Variants in PC observed in about 807,000 individuals in gnomAD.
PC encodes the protein pyruvate carboxylase, mitochondrial.
PC carries 46 observed loss-of-function variants against 107.8 expected under a neutral mutation model. The ratio of observed to expected loss-of-function variants is 0.43; its 90% CI spans 0.34 to 0.55. PC has a LOEUF of 0.55. Ranked by LOEUF, PC falls within the 20% of genes least tolerant of loss-of-function variation. PC has a pLI of 0.04. For missense variants in PC, 1,241 were observed against 1,643.1 expected (o/e 0.76, Z 4.23); for synonymous variants, 662 against 684.7 (o/e 0.97, Z 0.52).
chr11:66,878,809 T>C (rs1463047763), intron 3 of PC, among the ~76,000 whole-genome samples: 1 of 152,192 alleles, frequency 6.6e-6, no homozygotes, highest in Admixed American at 6.5e-5. Flanking sequence ...TCAGGGCTCT[T>C]CGGCTGAAGT....
intron 3 of PC, among the ~76,000 whole-genome samples, chr11:66,951,179 C>T (rs149272005): frequency 0.017 from 2,543 of 152,210 alleles, 47 homozygotes; most frequent in South Asian, 0.047. Context: ...ACTCCTATAC[C>T]AAGGAATCCC....
At chr11:66,900,026 C>T (rs1340440173) in intron 3 of PC, among the ~76,000 whole-genome samples, 3 of 152,126 alleles carry the variant, frequency 2.0e-5, no homozygotes, top group Non-Finnish European at 1.5e-5. Flanking sequence ...TGTCTTGGCG[C>T]TCTTACTGAA....
chr11:66,860,274 G>A, intron 12 of PC: 2 of 1,522,826 alleles, frequency 1.3e-6, no homozygotes, highest in Non-Finnish European at 1.8e-6. Flanking sequence ...TGGCCTGGGA[G>A]TCCCTCCCTG....
intron 3 of PC, among the ~76,000 whole-genome samples, chr11:66,884,108 G>C (rs1004367791): frequency 6.6e-6 from 1 of 152,142 alleles, no homozygotes; most frequent in African/African-American, 2.4e-5. Context: ...GCCGGGCATG[G>C]TGGCACACGC....
At chr11:66,956,059 A>C (rs1949554182) in intron 1 of PC, among the ~76,000 whole-genome samples, 1 of 151,782 alleles carries the variant, frequency 6.6e-6, no homozygotes, top group Admixed American at 6.6e-5. Flanking sequence ...AGGCATGAGC[A>C]CCGCGCCCAG....
At position 66,850,340 on chromosome 11, in the gene PC, G is replaced by C; in HGVS notation, c.2598C>G (p.Ile866Met). 6.2e-7 allele frequency: 1 copy of C among 1,614,116 alleles called. No individual in the cohort carries two copies. Among genetic ancestry groups the C allele is most frequent in the Non-Finnish European group, 8.5e-7 (1 of 1,180,030 alleles). The part of the protein sequence containing the change: ...SGNSDVYENE[I>M]PGGQYTNLHF... Reference sequence around the variant, plus strand: ...GCAGGTTGGTGTACTGGCCCCCTGGGATCTCATTTTCATACACGTCCGAGT... The same window carrying C: ...GCAGGTTGGTGTACTGGCCCCCTGGCATCTCATTTTCATACACGTCCGAGT... Residue 866 changes from isoleucine to methionine, a missense_variant, in exon 19 of 23, where the codon ATC (isoleucine) becomes ATG (methionine). Coordinates refer to ENST00000393960, the MANE Select transcript of PC (RefSeq NM_001040716.2).
intron 10 of PC, among the ~76,000 whole-genome samples, chr11:66,868,017 A>T (rs1946567195): frequency 6.6e-6 from 1 of 152,248 alleles, no homozygotes; most frequent in Admixed American, 6.5e-5. Flanking sequence ...TTGAAGGGTG[A>T]GGGCCATCAT....
intron 3 of PC, among the ~76,000 whole-genome samples, chr11:66,937,348 C>T (rs1185142778): frequency 6.6e-6 from 1 of 152,208 alleles, no homozygotes; most frequent in Non-Finnish European, 1.5e-5. Context: ...AGCTGTTAAT[C>T]TGATCAAAGA....
chr11:66,953,253 G>A (rs1321524168), intron 2 of PC, among the ~76,000 whole-genome samples: 1 of 152,162 alleles, frequency 6.6e-6, no homozygotes, highest in African/African-American at 2.4e-5. Context: ...CTGCATCTCC[G>A]CAGAGCTGTC....
Position 66,871,167 on chromosome 11 carries a change from G to A in PC, c.518C>T (p.Pro173Leu). 6.2e-7 allele frequency: 1 copy of A among 1,613,680 alleles called. No homozygotes were observed. Among genetic ancestry groups the A allele is most frequent in the Non-Finnish European group, 8.5e-7 (1 of 1,179,710 alleles). Residue 173 changes from proline (P) to leucine (L), a missense_variant, in exon 7 of 23, where the codon CCC (proline) becomes CTC (leucine). Pro to Leu is a moderately conservative substitution (Grantham distance 98, BLOSUM62 -3). Around this residue, in one of 2 missense-constraint regions of PC, gnomAD observed 1,143 missense variants for 1,551.9 expected, o/e 0.74. Coordinates refer to ENST00000393960, the MANE Select transcript of PC (RefSeq NM_001040716.2). This position sits in a 1 kb window ranked among gnomAD's most constrained non-coding sequence, Gnocchi z 7.4. The part of the protein sequence containing the change: ...GVPVVPGTDA[P>L]ITSLHEAHEF... ...GTGGGCCTCATGCAGGGACGTGATG[G>A]GGGCATCTGTGCCAGGGACAACGGG...
chr11:66,922,401 C>T (rs921480455), intron 3 of PC, among the ~76,000 whole-genome samples: 1 of 151,858 alleles, frequency 6.6e-6, no homozygotes, highest in African/African-American at 2.4e-5. Context: ...ATGGTGAAAC[C>T]CCATCTCTAC....
chr11:66,903,752 GAA>G (rs1175402409), intron 3 of PC, among the ~76,000 whole-genome samples: 24 of 76,178 alleles, frequency 3.2e-4, no homozygotes, highest in Admixed American at 1.1e-3. Context: ...TCCATCTCAG[GAA>G]AAAAAAAAAA....
rs562976965 is a variant in PC at position 66,925,357 on chromosome 11, C to T, written c.-1+27073G>A. On this transcript the variant is annotated intron_variant, in intron 3 of 22. Coordinates refer to ENST00000393960, the MANE Select transcript of PC (RefSeq NM_001040716.2). ...CCATAAAAGACGGCTGCCCCCGAAG[C>T]GGCCATTTCAGAGGCCTACCCTCAG... 4.6e-3 allele frequency among the ~76,000 whole-genome samples: 705 copies of T among 152,224 alleles called. 1 individual carries two copies. Among genetic ancestry groups the T allele is most frequent in the Non-Finnish European group, 7.6e-3 (519 of 68,012 alleles).
At position 66,866,290 on chromosome 11, in the gene PC, C is replaced by A. The variant is rs377766602; in HGVS notation, c.1082G>T (p.Gly361Val). 3 of 1,613,188 alleles carry A rather than the reference C, an allele frequency of 1.9e-6. No homozygotes were observed. The highest frequency in any genetic ancestry group is 2.5e-6 in the Non-Finnish European group (3 of 1,179,884). ...VAEGRSLPDL[G>V]LRQENIRING... is the part of the protein sequence containing the mutation. ...GATGCGGATGTTCTCCTGCCGCAGG[C>A]CCAGGTCGGGTAGGCTCCTGCCCTC... Residue 361 changes from glycine to valine, a missense_variant, in exon 11 of 23, where the codon GGC (glycine) becomes GTC (valine). By Grantham distance (109) the Gly-to-Val change is moderately radical. This residue lies in a region of PC where 1,143 missense variants were observed against 1,551.9 expected (regional missense o/e 0.74). Transcript: ENST00000393960. This position sits in a 1 kb window ranked among gnomAD's most constrained non-coding sequence, Gnocchi z 5.4.
At chr11:66,879,457 C>T (rs1423542722) in intron 3 of PC, among the ~76,000 whole-genome samples, 1 of 152,232 alleles carries the variant, frequency 6.6e-6, no homozygotes, top group African/African-American at 2.4e-5. Flanking sequence ...AGGGGGGCAC[C>T]TGTCCCAGAG....
At position 66,898,752 on chromosome 11, in the gene PC, C is replaced by T. The variant is rs1224039650; in HGVS notation, c.1-26593G>A. ...GATATGTGCATCTACCGCCATAATCCGCTTTTAGAACATTTCCTATCCCCT... is the reference window on the plus strand; with the variant it reads ...GATATGTGCATCTACCGCCATAATCTGCTTTTAGAACATTTCCTATCCCCT... On this transcript the variant is annotated intron_variant, in intron 3 of 22. Coordinates refer to ENST00000393960, the MANE Select transcript of PC (RefSeq NM_001040716.2). Among the ~76,000 whole-genome samples, 7 of 152,268 alleles carry T rather than the reference C, an allele frequency of 4.6e-5. No individual in the cohort carries two copies. The South Asian group carries it at 1.2e-3, about 27-fold the overall frequency.
chr11:66,921,834 C>G (rs1948603616), intron 3 of PC, among the ~76,000 whole-genome samples: 2 of 152,188 alleles, frequency 1.3e-5, no homozygotes, highest in African/African-American at 2.4e-5. Flanking sequence ...AAATTTAGTT[C>G]TAGATGAGGA....
At position 66,870,512 on chromosome 11, in the gene PC, C is replaced by T; in HGVS notation, c.752-59G>A. On this transcript the variant is annotated intron_variant, in intron 8 of 22. Transcript: ENST00000393960. The surrounding 1 kb of genome is among the most constrained non-coding windows in gnomAD (Gnocchi z 6.1). ...CTGGAATCTACACGCCTCCTAAATG[C>T]CCCATCACCCCCACATAACCACTGT... 1.3e-6 allele frequency: 2 copies of T among 1,567,050 alleles called. No homozygotes were observed. The highest frequency in any genetic ancestry group is 1.7e-6 in the Non-Finnish European group (2 of 1,148,372).
At chr11:66,872,200 C>G in intron 3 of PC, 41 bp from the exon 4 acceptor site, 1 of 1,557,310 alleles carries the variant, frequency 6.4e-7, no homozygotes, top group Non-Finnish European at 8.7e-7. Flanking sequence ...GCAGCCTCAG[C>G]ACTGAGGCTC....
Sources: allele counts gnomAD v4.1 joint callset (sites outside exome capture counted in the v4.1 genomes callset), GRCh38; gene constraint gnomAD v4.1.1; regional missense constraint gnomAD v4.1.1; non-coding constraint Gnocchi (gnomAD v3.1); transcripts MANE v1.5; gene names NCBI Gene and HGNC (gene_info 2026-07-23, HGNC 2026-07-21).